The following RASSF3 variants were observed in gnomAD, a reference collection of about 807,000 sequenced individuals.
RASSF3 encodes Ras association domain family member 3.
In RASSF3, 19 loss-of-function variants were observed where a neutral mutation model predicts 19.9. The observed-to-expected ratio is 0.96, with a 90% CI of 0.67 to 1.40. The LOEUF (loss-of-function observed/expected upper bound fraction) is 1.40, where lower values mean the gene tolerates loss of function less well. Ranked by LOEUF, RASSF3 falls within the 40% of genes most tolerant of loss-of-function variation. The pLI, the probability that RASSF3 is intolerant of heterozygous loss-of-function variation, is 0.00. For synonymous variants in RASSF3, 110 were observed against 104.2 expected (o/e 1.06, Z -0.34); for missense variants, 306 against 289.8 (o/e 1.06, Z -0.41).
At chr12:64,622,408 A>G (rs1870810753) in intron 1 of RASSF3, 4 of 512,014 alleles carry the variant, frequency 7.8e-6, no homozygotes, top group Non-Finnish European at 1.6e-5. Flanking sequence ...AAAGGATGGT[A>G]GGACAAACTG....
At chr12:64,599,386 A>G (rs1870050195) in intron 2 of RASSF3, among the ~76,000 whole-genome samples, 2 of 152,228 alleles carry the variant, frequency 1.3e-5, no homozygotes. Flanking sequence ...ACTGATCAAA[A>G]TCAATGTTGG....
chr12:64,539,267 G>A (rs1868893065), intron 1 of RASSF3, among the ~76,000 whole-genome samples: 1 of 152,046 alleles, frequency 6.6e-6, no homozygotes, highest in African/African-American at 2.4e-5. Flanking sequence ...GAGCTCAGGT[G>A]TCTCTTACTC....
At chr12:64,619,049 A>G (rs932967127) in intron 1 of RASSF3, among the ~76,000 whole-genome samples, 7 of 152,190 alleles carry the variant, frequency 4.6e-5, no homozygotes, top group African/African-American at 1.4e-4. Context: ...TAGCATGGCT[A>G]TGGAAAACTT....
intron 1 of RASSF3, among the ~76,000 whole-genome samples, chr12:64,677,568 C>T (rs1410146567): frequency 6.6e-6 from 1 of 152,166 alleles, no homozygotes; most frequent in Non-Finnish European, 1.5e-5. Flanking sequence ...AGACACCATG[C>T]TTGGTGACTC....
At chr12:64,689,508 T>C (rs1873493904) in intron 3 of RASSF3, among the ~76,000 whole-genome samples, 1 of 152,130 alleles carries the variant, frequency 6.6e-6, no homozygotes, top group South Asian at 2.1e-4. Context: ...ATAGGGAAAT[T>C]GGCACCTGCG....
At chr12:64,638,041 A>C (rs1346016240) in intron 1 of RASSF3, among the ~76,000 whole-genome samples, 2 of 151,802 alleles carry the variant, frequency 1.3e-5, no homozygotes, top group African/African-American at 4.8e-5. Flanking sequence ...CATGTTGGCC[A>C]GGATGGTCTC....
chr12:64,529,922 A>G (rs900995072), upstream of RASSF3, among the ~76,000 whole-genome samples: 12 of 152,034 alleles, frequency 7.9e-5, no homozygotes, highest in African/African-American at 2.2e-4. Flanking sequence ...TTGGTGAGAG[A>G]TTTTCTTGCT....
intron 2 of RASSF3, among the ~76,000 whole-genome samples, chr12:64,551,862 A>C (rs542492373): frequency 2.4e-4 from 37 of 152,336 alleles, no homozygotes; most frequent in Admixed American, 5.9e-4. Context: ...CTAGTTTTAC[A>C]ACTACGAAAT....
At chr12:64,638,235 A>G (rs1871390271) in intron 1 of RASSF3, among the ~76,000 whole-genome samples, 1 of 152,232 alleles carries the variant, frequency 6.6e-6, no homozygotes, top group African/African-American at 2.4e-5. Flanking sequence ...GTCAAATGCT[A>G]GGAAAGGATT....
At chr12:64,633,203 G>A (rs1309138015) in intron 1 of RASSF3, among the ~76,000 whole-genome samples, 1 of 152,218 alleles carries the variant, frequency 6.6e-6, no homozygotes, top group Non-Finnish European at 1.5e-5. Flanking sequence ...TATGTTTTGA[G>A]TGTGGTGACA....
At chr12:64,508,044 T>G (rs913733013) in intron 1 of RASSF3, among the ~76,000 whole-genome samples, 1 of 152,222 alleles carries the variant, frequency 6.6e-6, no homozygotes, top group African/African-American at 2.4e-5. Flanking sequence ...ATTCTCTCAC[T>G]TCATAATGTT....
At chr12:64,691,434 A>G (rs1204056161) in intron 3 of RASSF3, 36 bp from the exon 4 acceptor site, 1 of 1,405,890 alleles carries the variant, frequency 7.1e-7, no homozygotes, top group Non-Finnish European at 1.0e-6. Flanking sequence ...GGAATGGCTG[A>G]ATACTCTGTA....
chr12:64,672,450 T>A (rs935197150), intron 1 of RASSF3, among the ~76,000 whole-genome samples: 54 of 152,238 alleles, frequency 3.5e-4, no homozygotes, highest in Non-Finnish European at 1.2e-4. Context: ...GATCTTGAAC[T>A]CCTAACCTCA....
chr12:64,641,850 C>T (rs1217492435), intron 1 of RASSF3, among the ~76,000 whole-genome samples: 1 of 151,466 alleles, frequency 6.6e-6, no homozygotes, highest in African/African-American at 2.4e-5. Flanking sequence ...TCAAGCGATT[C>T]TTCTGCCTCA....
chr12:64,608,158 G>A (rs932675043), upstream of RASSF3, among the ~76,000 whole-genome samples: 3 of 151,996 alleles, frequency 2.0e-5, no homozygotes, highest in Admixed American at 6.6e-5. Flanking sequence ...GAGTTCAAGT[G>A]ATCCTCCACC....
At chr12:64,547,380 A>G (rs1209009140) in intron 2 of RASSF3, among the ~76,000 whole-genome samples, 1 of 152,078 alleles carries the variant, frequency 6.6e-6, no homozygotes, top group African/African-American at 2.4e-5. Context: ...ATCCTGGCCA[A>G]CATAATGAAA....
intron 2 of RASSF3, 134 bp downstream of exon 2, chr12:64,685,028 A>C: frequency 1.8e-6 from 1 of 562,412 alleles, no homozygotes; most frequent in Non-Finnish European, 3.1e-6. Flanking sequence ...CAGAACAGGA[A>C]AGTGGAATAT....
chr12:64,507,526 A>T (rs1017721661), intron 1 of RASSF3: 1 of 370,974 alleles, frequency 2.7e-6, no homozygotes. Context: ...AGGCTGATGT[A>T]TTAGAAGCCA....
Position 64,537,625 on chromosome 12 carries a change from T to C in RASSF3, c.68-3956T>C, listed in dbSNP as rs148178823. Among the ~76,000 whole-genome samples the C allele has an allele frequency of 1.4e-3, 210 of 152,296 alleles. 2 individuals are homozygous for C. The highest frequency in any genetic ancestry group is 4.8e-3 in the African/African-American group (199 of 41,574). ...TACTCAACATCTCTGCTCAGTTCCATTGGCATCTGAAGCTTAAACTGCCCA... is the reference window on the plus strand; with the variant it reads ...TACTCAACATCTCTGCTCAGTTCCACTGGCATCTGAAGCTTAAACTGCCCA... On this transcript the variant is annotated intron_variant, in intron 1 of 1. Coordinates refer to the RASSF3 transcript ENST00000636333.
Sources: gnomAD v4.1 joint callset for allele counts (sites outside exome capture counted in the v4.1 genomes callset) on GRCh38, gnomAD v4.1.1 for gene constraint, MANE v1.5 for transcripts, NCBI Gene and HGNC (gene_info 2026-07-23, HGNC 2026-07-21) for gene names.